Variants in LINGO2 observed in about 807,000 individuals in gnomAD.
LINGO2 encodes the protein leucine-rich repeat and immunoglobulin-like domain-containing nogo receptor-interacting protein 2.
In LINGO2, 14 loss-of-function variants were observed where a neutral mutation model predicts 30.6. The observed-to-expected ratio is 0.46, with a 90% CI of 0.30 to 0.72. LINGO2 has a LOEUF of 0.72. Among genes scored for constraint, LINGO2 ranks in the 30% least tolerant of loss-of-function variants. The pLI, the probability that LINGO2 is intolerant of heterozygous loss-of-function variation, is 0.07. For missense variants in LINGO2, 729 were observed against 751.7 expected (o/e 0.97, Z 0.35); for synonymous variants, 317 against 288.5 (o/e 1.10, Z -1.00).
chr9:28,698,770 A>T, the LINGO2 span, among the ~76,000 whole-genome samples: 1 of 152,142 alleles, frequency 6.6e-6, no homozygotes, highest in Non-Finnish European at 1.5e-5. Flanking sequence ...AGGTTAGATC[A>T]CTGGCTCATA....
chr9:28,591,306 A>G (rs1824896980), intron 1 of LINGO2, among the ~76,000 whole-genome samples: 1 of 152,056 alleles, frequency 6.6e-6, no homozygotes, highest in African/African-American at 2.4e-5. Context: ...CTTAAAGTAT[A>G]ATAAAAATAT....
chr9:28,775,534 T>A, the LINGO2 span, among the ~76,000 whole-genome samples: 2 of 152,178 alleles, frequency 1.3e-5, no homozygotes, highest in Admixed American at 1.3e-4. Context: ...CTAGATGCCA[T>A]GGGAAAGAAT....
chr9:28,805,948 A>G, the LINGO2 span, among the ~76,000 whole-genome samples: 1 of 152,162 alleles, frequency 6.6e-6, no homozygotes, highest in African/African-American at 2.4e-5. Flanking sequence ...AGATAAAAAC[A>G]AATAAAAGTA....
intron 3 of LINGO2, among the ~76,000 whole-genome samples, chr9:28,342,092 A>ACT (rs1473000929): frequency 6.6e-6 from 1 of 151,990 alleles, no homozygotes; most frequent in Non-Finnish European, 1.5e-5. Flanking sequence ...CCGTATGTTA[A>ACT]CTCTCTTCTC....
intron 4 of LINGO2, among the ~76,000 whole-genome samples, chr9:28,089,324 A>G (rs1332865446): frequency 6.6e-6 from 1 of 151,998 alleles, no homozygotes; most frequent in Non-Finnish European, 1.5e-5. Flanking sequence ...AGTAAAGTAC[A>G]TCTTAGCAAA....
the LINGO2 span, among the ~76,000 whole-genome samples, chr9:28,885,372 C>CAT: frequency 1.4e-5 from 2 of 144,774 alleles, no homozygotes; most frequent in Admixed American, 1.4e-4. Flanking sequence ...CACACACACA[C>CAT]ACATATATAT....
the LINGO2 span, among the ~76,000 whole-genome samples, chr9:28,942,785 G>C: frequency 0.17 from 25,456 of 152,094 alleles, 2,228 homozygotes; most frequent in East Asian, 0.29. Flanking sequence ...TTCCCTATGA[G>C]AGAGTGAGCA....
At chr9:28,121,833 A>T (rs1311510592) in intron 4 of LINGO2, among the ~76,000 whole-genome samples, 1 of 152,236 alleles carries the variant, frequency 6.6e-6, no homozygotes, top group Non-Finnish European at 1.5e-5. Context: ...CAGTGAAAAT[A>T]AGCAGGAAGA....
chr9:28,293,637 T>C (rs1362750999), intron 4 of LINGO2, among the ~76,000 whole-genome samples: 1 of 152,152 alleles, frequency 6.6e-6, no homozygotes, highest in Non-Finnish European at 1.5e-5. Context: ...AAATCCTTGC[T>C]GATTTTCTGT....
intron 3 of LINGO2, among the ~76,000 whole-genome samples, chr9:28,330,034 G>C (rs546039515): frequency 1.3e-5 from 2 of 152,074 alleles, no homozygotes; most frequent in African/African-American, 2.4e-5. Flanking sequence ...ATAGTGTTTG[G>C]AGATGAGGTC....
At chr9:28,699,387 C>G in the LINGO2 span, among the ~76,000 whole-genome samples, 5 of 152,140 alleles carry the variant, frequency 3.3e-5, no homozygotes, top group East Asian at 9.7e-4. Flanking sequence ...TAACAATACT[C>G]TTATAATTTC....
chr9:28,889,009 C>T, the LINGO2 span: 2 of 482,442 alleles, frequency 4.1e-6, no homozygotes, highest in Non-Finnish European at 8.8e-6. Flanking sequence ...CATATTTCCT[C>T]CATTTCAAGT....
chr9:28,533,479 CCTGA>C (rs1426182744), intron 1 of LINGO2, among the ~76,000 whole-genome samples: 2 of 152,090 alleles, frequency 1.3e-5, no homozygotes, highest in East Asian at 1.9e-4. Context: ...TCTAGAGAAC[CCTGA>C]CTAATACAGT....
At chr9:29,009,097 G>A in the LINGO2 span, among the ~76,000 whole-genome samples, 1 of 152,106 alleles carries the variant, frequency 6.6e-6, no homozygotes, top group East Asian at 1.9e-4. Context: ...GGCAAAAACT[G>A]GAAGCATTCC....
the LINGO2 span, among the ~76,000 whole-genome samples, chr9:29,132,185 A>G: frequency 5.3e-5 from 8 of 152,078 alleles, no homozygotes; most frequent in Admixed American, 2.6e-4. Context: ...TGCCTCCCAT[A>G]AAGATCAAAG....
At chr9:29,124,784 G>C in the LINGO2 span, among the ~76,000 whole-genome samples, 1 of 152,144 alleles carries the variant, frequency 6.6e-6, no homozygotes, top group Non-Finnish European at 1.5e-5. Context: ...AGGATGTGGA[G>C]AAATAGGAAC....
the LINGO2 span, among the ~76,000 whole-genome samples, chr9:28,703,049 T>G: frequency 3.9e-5 from 6 of 151,968 alleles, no homozygotes; most frequent in South Asian, 1.2e-3. Flanking sequence ...CTATCAATGT[T>G]TTTCATCTTT....
chr9:28,733,302 C>T, the LINGO2 span, among the ~76,000 whole-genome samples: 1 of 151,862 alleles, frequency 6.6e-6, no homozygotes, highest in South Asian at 2.1e-4. Flanking sequence ...AGAAAAAGGT[C>T]ATACGTAAAG....
At chr9:28,550,540 G>A (rs1041220400) in intron 1 of LINGO2, among the ~76,000 whole-genome samples, 2 of 151,036 alleles carry the variant, frequency 1.3e-5, no homozygotes, top group African/African-American at 4.9e-5. Flanking sequence ...CTTTCAAATT[G>A]TTCTATTATT....
Sources: allele counts gnomAD v4.1 joint callset (sites outside exome capture counted in the v4.1 genomes callset), GRCh38; gene constraint gnomAD v4.1.1; transcripts MANE v1.5; gene names NCBI Gene and HGNC (gene_info 2026-07-23, HGNC 2026-07-21).